CACNB2: variants seen among roughly 807,000 people sequenced by gnomAD.
CACNB2 encodes the protein calcium voltage-gated channel auxiliary subunit beta 2.
In CACNB2, 42 loss-of-function variants were observed where a neutral mutation model predicts 73.3. The observed-to-expected ratio is 0.57, with a 90% CI of 0.45 to 0.74. The LOEUF is 0.74. Ranked by LOEUF, CACNB2 falls within the 30% of genes least tolerant of loss-of-function variation. The pLI, the probability that CACNB2 is intolerant of heterozygous loss-of-function variation, is 0.00. For synonymous variants in CACNB2, 348 were observed against 310.3 expected (o/e 1.12, Z -1.28); for missense variants, 940 against 853.0 (o/e 1.10, Z -1.27).
intron 3 of CACNB2, among the ~76,000 whole-genome samples, chr10:18,445,347 G>T (rs1019379174): frequency 2.0e-5 from 3 of 152,150 alleles, no homozygotes; most frequent in African/African-American, 7.2e-5. Flanking sequence ...AACAAAAATT[G>T]CAGTACTTAG....
chr10:18,349,412 T>C (rs766931370), intron 2 of CACNB2, among the ~76,000 whole-genome samples: 19 of 152,218 alleles, frequency 1.2e-4, no homozygotes, highest in South Asian at 2.1e-4. Context: ...ATGGGTCCAA[T>C]TGTTGATGCA....
intron 3 of CACNB2, among the ~76,000 whole-genome samples, chr10:18,445,974 C>T (rs1401635122): frequency 6.6e-6 from 1 of 152,180 alleles, no homozygotes; most frequent in Non-Finnish European, 1.5e-5. Context: ...GAGGAGGTTT[C>T]AGTGAGCCAA....
chr10:18,429,045 T>C (rs1472775731), intron 3 of CACNB2, among the ~76,000 whole-genome samples: 4 of 152,264 alleles, frequency 2.6e-5, no homozygotes, highest in Non-Finnish European at 4.4e-5. Flanking sequence ...CAAAGATTCC[T>C]TTTGATATCA....
At chr10:18,216,753 A>G (rs2035527923) in intron 2 of CACNB2, among the ~76,000 whole-genome samples, 1 of 152,192 alleles carries the variant, frequency 6.6e-6, no homozygotes, top group Non-Finnish European at 1.5e-5. Flanking sequence ...CCATTATGTG[A>G]AATTCAGCTA....
chr10:18,326,028 G>A (rs1282891984), intron 2 of CACNB2, among the ~76,000 whole-genome samples: 1 of 152,112 alleles, frequency 6.6e-6, no homozygotes, highest in Non-Finnish European at 1.5e-5. Flanking sequence ...GAGCCACTGT[G>A]CCTAGCTGAA....
chr10:18,511,917 T>G (rs780254196), intron 6 of CACNB2, among the ~76,000 whole-genome samples: 5 of 152,190 alleles, frequency 3.3e-5, no homozygotes, highest in African/African-American at 1.2e-4. Context: ...GAATCCTGAC[T>G]GCCAAGTTTT....
chr10:18,148,567 C>T (rs951996751), intron 1 of CACNB2, among the ~76,000 whole-genome samples: 4 of 152,162 alleles, frequency 2.6e-5, no homozygotes, highest in African/African-American at 7.2e-5. Flanking sequence ...CTCACAGTGC[C>T]TGTTGTACAA....
At chr10:18,309,407 G>A (rs1450586389) in intron 2 of CACNB2, among the ~76,000 whole-genome samples, 3 of 152,194 alleles carry the variant, frequency 2.0e-5, no homozygotes, top group Non-Finnish European at 4.4e-5. Context: ...GGGCTGCATG[G>A]TGCAGTTCAG....
chr10:18,453,972 G>T lies in CACNB2; in HGVS notation c.334-44383G>T, dbSNP rs140894109. Among the ~76,000 whole-genome samples, 247 of 152,304 alleles carry T rather than the reference G, an allele frequency of 1.6e-3. 5 individuals are homozygous for T. Among genetic ancestry groups the T allele is most frequent in the Admixed American group, 0.013 (192 of 15,298 alleles). ...GTTTTTAAACAAGTAGCATGGAGGT[G>T]CCTGGAGGCCTGCGTTTGTGTTTCA... On this transcript the variant is annotated intron_variant, in intron 3 of 13. Transcript: ENST00000324631.
chr10:18,345,654 A>T (rs932901974), intron 2 of CACNB2, among the ~76,000 whole-genome samples: 1 of 152,160 alleles, frequency 6.6e-6, no homozygotes, highest in Non-Finnish European at 1.5e-5. Flanking sequence ...TTTTTCCCCT[A>T]TCCAATACTA....
At chr10:18,287,871 A>G (rs1312005378) in intron 2 of CACNB2, among the ~76,000 whole-genome samples, 1 of 152,064 alleles carries the variant, frequency 6.6e-6, no homozygotes, top group Non-Finnish European at 1.5e-5. Flanking sequence ...AAAACAAAAA[A>G]ACAGAGGTGT....
In CACNB2 at chr10:18,289,224, C is replaced by G. The variant is rs571518934; in HGVS notation, c.214-112700C>G. 1.7e-3 allele frequency among the ~76,000 whole-genome samples: 248 copies of G among 150,014 alleles called. 2 individuals carry two copies. The highest frequency in any genetic ancestry group is 5.8e-3 in the African/African-American group (237 of 40,718). ...CCTCTACCCCCGACCCCCTCCCCAG[C>G]AAAAAAATCCAGAATCATTCAAAAT... On this transcript the variant is annotated intron_variant, in intron 2 of 13. Transcript: ENST00000324631.
intron 6 of CACNB2, among the ~76,000 whole-genome samples, chr10:18,508,156 A>T (rs949047986): frequency 1.3e-5 from 2 of 152,186 alleles, no homozygotes; most frequent in African/African-American, 2.4e-5. Flanking sequence ...CAAGTTCTAC[A>T]CAGAATATAG....
chr10:18,487,433 G>T (rs1330285491), intron 3 of CACNB2, among the ~76,000 whole-genome samples: 2 of 152,166 alleles, frequency 1.3e-5, no homozygotes, highest in African/African-American at 4.8e-5. Context: ...CTCACTGTTT[G>T]CTGAAATAAT....
chr10:18,205,268 C>T (rs2035042525), intron 2 of CACNB2, among the ~76,000 whole-genome samples: 8 of 152,134 alleles, frequency 5.3e-5, no homozygotes, highest in Admixed American at 5.2e-4. Context: ...CCTTTGCTAG[C>T]CTCAGTTTTC....
At chr10:18,181,241 A>G (rs74325916) in intron 2 of CACNB2, among the ~76,000 whole-genome samples, 4,291 of 152,220 alleles carry the variant, frequency 0.028, 68 homozygotes, top group Middle Eastern at 0.099. Flanking sequence ...ACTTTCTCCC[A>G]TGAAACTTCC....
chr10:18,374,042 ATAT>A (rs1246375525), intron 2 of CACNB2, among the ~76,000 whole-genome samples: 1 of 152,240 alleles, frequency 6.6e-6, no homozygotes, highest in Non-Finnish European at 1.5e-5. Context: ...TAGAGAAAAA[ATAT>A]TATAATTAAC....
At chr10:18,312,886 G>T (rs1038718629) in intron 2 of CACNB2, among the ~76,000 whole-genome samples, 3 of 152,112 alleles carry the variant, frequency 2.0e-5, no homozygotes, top group African/African-American at 7.2e-5. Context: ...ACATTTCAAG[G>T]TCATGCTACT....
At chr10:18,186,238 G>A (rs2034145649) in intron 2 of CACNB2, among the ~76,000 whole-genome samples, 1 of 152,008 alleles carries the variant, frequency 6.6e-6, no homozygotes, top group Non-Finnish European at 1.5e-5. Context: ...TGACCAACAT[G>A]GAGAAACCCC....
Sources: gnomAD v4.1 joint callset for allele counts (sites outside exome capture counted in the v4.1 genomes callset) on GRCh38, gnomAD v4.1.1 for gene constraint, MANE v1.5 for transcripts, NCBI Gene and HGNC (gene_info 2026-07-23, HGNC 2026-07-21) for gene names.